The following ROBO2 variants were observed in gnomAD, a reference collection of about 807,000 sequenced individuals.
The protein encoded by ROBO2 is roundabout homolog 2.
ROBO2 carries 53 observed loss-of-function variants against 160.8 expected under a neutral mutation model. That is an observed-to-expected ratio of 0.33 (90% confidence interval 0.26 to 0.41). The LOEUF (loss-of-function observed/expected upper bound fraction) is 0.41. ROBO2 is among the 10% of genes least tolerant of loss of function. The pLI is 1.00. For missense variants in ROBO2, 1,577 were observed against 1,722.4 expected (o/e 0.92, Z 1.49); for synonymous variants, 664 against 611.7 (o/e 1.09, Z -1.26).
intron 2 of ROBO2, among the ~76,000 whole-genome samples, chr3:76,633,328 A>C: frequency 6.6e-6 from 1 of 152,338 alleles, no homozygotes; most frequent in Admixed American, 6.5e-5. Context: ...TGAGAGCCAT[A>C]GCTGGTAGCT....
intron 2 of ROBO2, among the ~76,000 whole-genome samples, chr3:76,236,622 G>A (rs1466144308): frequency 1.3e-5 from 2 of 152,060 alleles, no homozygotes; most frequent in Admixed American, 6.6e-5. Context: ...TCTTACAAAT[G>A]ACAACACTAC....
At chr3:76,730,272 C>T (rs1227399016) in intron 2 of ROBO2, among the ~76,000 whole-genome samples, 2 of 89,114 alleles carry the variant, frequency 2.2e-5, no homozygotes, top group East Asian at 3.4e-4. Flanking sequence ...TCACCTCCTA[C>T]TCCCTACCCG....
chr3:76,506,080 C>A (rs2107692839), intron 2 of ROBO2, among the ~76,000 whole-genome samples: 1 of 152,312 alleles, frequency 6.6e-6, no homozygotes, highest in African/African-American at 2.4e-5. Context: ...TCACCATTAT[C>A]CCCCTGAAAC....
chr3:76,434,591 G>A, intron 2 of ROBO2: 1 of 1,578,490 alleles, frequency 6.3e-7, no homozygotes, highest in South Asian at 1.1e-5. Context: ...TTACATTAAG[G>A]AGTTCCATAC....
At chr3:77,582,866 C>T (rs577701452) in intron 16 of ROBO2, among the ~76,000 whole-genome samples, 7 of 152,094 alleles carry the variant, frequency 4.6e-5, no homozygotes, top group Middle Eastern at 3.4e-3. Context: ...CCTGGTCAGG[C>T]GCAGTGGCTC....
intron 2 of ROBO2, among the ~76,000 whole-genome samples, chr3:76,371,981 C>G (rs2076126330): frequency 6.6e-6 from 1 of 151,788 alleles, no homozygotes; most frequent in African/African-American, 2.4e-5. Context: ...TGTTCCCCTA[C>G]TTGATCTACA....
chr3:76,491,709 AT>A (rs2079834038), intron 2 of ROBO2, among the ~76,000 whole-genome samples: 1 of 152,172 alleles, frequency 6.6e-6, no homozygotes, highest in African/African-American at 2.4e-5. Context: ...TGGAAGGAGA[AT>A]TTGAGCTTTC....
chr3:76,387,271 T>C (rs1041124508), intron 2 of ROBO2, among the ~76,000 whole-genome samples: 4 of 152,126 alleles, frequency 2.6e-5, no homozygotes, highest in African/African-American at 9.7e-5. Context: ...AGCATGAATT[T>C]TGGAGGGAGC....
chr3:77,309,052 C>T (rs762438579), intron 2 of ROBO2, among the ~76,000 whole-genome samples: 5 of 100,468 alleles, frequency 5.0e-5, no homozygotes, highest in Non-Finnish European at 1.0e-4. Context: ...GGCTGAGATT[C>T]GGCTATTTAT....
chr3:75,964,444 TCTGA>T (rs1470204933), intron 2 of ROBO2, among the ~76,000 whole-genome samples: 1 of 151,714 alleles, frequency 6.6e-6, no homozygotes, highest in African/African-American at 2.4e-5. Flanking sequence ...CCCTGATTTT[TCTGA>T]CTATGGTTCA....
Position 75,981,870 on chromosome 3 carries a change from TATTTTTTTTACCTATTA to T in ROBO2, c.109+44270_109+44286del, listed in dbSNP as rs200760382. 5.0e-3 allele frequency among the ~76,000 whole-genome samples: 754 copies of T among 150,418 alleles called. 23 individuals carry two copies. The highest frequency in any genetic ancestry group is 0.04 in the Admixed American group (599 of 15,092). ...ATCAAGTAGTAGGTCTTATTCATTC[TATTTTTTTTACCTATTA>T]ACAATCTCCACCCTCTGCCCCCTCC... On this transcript the variant is annotated intron_variant, in intron 2 of 26. Transcript: ENST00000487694.
intron 2 of ROBO2, among the ~76,000 whole-genome samples, chr3:76,963,269 AT>A (rs1198295501): frequency 2.0e-5 from 3 of 152,128 alleles, no homozygotes; most frequent in African/African-American, 4.8e-5. Context: ...TCATTTATAT[AT>A]TTTGTCTTCA....
chr3:77,198,869 C>T (rs950405709), intron 2 of ROBO2, among the ~76,000 whole-genome samples: 2 of 151,878 alleles, frequency 1.3e-5, no homozygotes, highest in African/African-American at 4.8e-5. Flanking sequence ...CACCATTGCA[C>T]TCCAGCCTGG....
intron 2 of ROBO2, among the ~76,000 whole-genome samples, chr3:76,487,623 G>A (rs983557057): frequency 2.0e-5 from 3 of 152,042 alleles, no homozygotes; most frequent in African/African-American, 7.2e-5. Flanking sequence ...GCAGAAGTTC[G>A]AGCCTAGTTT....
intron 2 of ROBO2, among the ~76,000 whole-genome samples, chr3:76,895,965 G>A (rs79695184): frequency 0.015 from 2,248 of 152,168 alleles, 34 homozygotes; most frequent in African/African-American, 0.049. Flanking sequence ...AGCCTGACTC[G>A]CCTTCTAATC....
intron 18 of ROBO2, among the ~76,000 whole-genome samples, chr3:77,595,935 G>GA (rs2153688115): frequency 6.6e-6 from 1 of 152,128 alleles, no homozygotes; most frequent in Non-Finnish European, 1.5e-5. Context: ...ATCTGGAAAG[G>GA]AATCAGAATC....
intron 16 of ROBO2, among the ~76,000 whole-genome samples, chr3:77,582,761 G>GT (rs1288651662): frequency 1.3e-5 from 2 of 151,896 alleles, no homozygotes; most frequent in Admixed American, 1.3e-4. Context: ...CTCTAGTGTT[G>GT]TTTTTGCCTT....
At chr3:76,751,527 A>G (rs1162237672) in intron 2 of ROBO2, among the ~76,000 whole-genome samples, 1 of 152,170 alleles carries the variant, frequency 6.6e-6, no homozygotes, top group Non-Finnish European at 1.5e-5. Context: ...ATGGGAGAAA[A>G]TGTTTGCAAT....
chr3:77,323,910 C>T (rs1253075589), intron 2 of ROBO2, among the ~76,000 whole-genome samples: 1 of 152,088 alleles, frequency 6.6e-6, no homozygotes, highest in Non-Finnish European at 1.5e-5. Context: ...ACATGTTTTT[C>T]TGAGTACTTT....
Sources: allele counts gnomAD v4.1 joint callset (sites outside exome capture counted in the v4.1 genomes callset), GRCh38; gene constraint gnomAD v4.1.1; transcripts MANE v1.5; gene names NCBI Gene and HGNC (gene_info 2026-07-23, HGNC 2026-07-21).